The following PALM2AKAP2 variants were observed in gnomAD, a reference collection of about 807,000 sequenced individuals.
The protein encoded by PALM2AKAP2 is PALM2-AKAP2 fusion protein.
PALM2AKAP2 carries 37 observed loss-of-function variants against 71.5 expected under a neutral mutation model. The observed-to-expected ratio is 0.52, with a 90% CI of 0.40 to 0.68. PALM2AKAP2 has a LOEUF of 0.68. PALM2AKAP2 is among the 30% of genes least tolerant of loss of function. The pLI, the probability that PALM2AKAP2 is intolerant of heterozygous loss-of-function variation, is 0.00. For synonymous variants in PALM2AKAP2, 468 were observed against 478.8 expected (o/e 0.98, Z 0.29); for missense variants, 1,224 against 1,191.8 (o/e 1.03, Z -0.40).
At chr9:109,704,209 G>A (rs1014719240) in intron 1 of PALM2AKAP2, among the ~76,000 whole-genome samples, 1 of 152,202 alleles carries the variant, frequency 6.6e-6, no homozygotes, top group Admixed American at 6.5e-5. Flanking sequence ...TTACCAGCTG[G>A]GCAGGTGGGT....
intron 2 of PALM2AKAP2, among the ~76,000 whole-genome samples, chr9:110,141,609 A>G (rs1245757904): frequency 1.3e-5 from 2 of 152,176 alleles, no homozygotes; most frequent in Non-Finnish European, 2.9e-5. Context: ...TAGACAATTC[A>G]TGGCTAGGGT....
At chr9:109,979,072 CT>C (rs1005193458) in intron 6 of PALM2AKAP2, among the ~76,000 whole-genome samples, 26 of 151,910 alleles carry the variant, frequency 1.7e-4, no homozygotes, top group African/African-American at 6.3e-4. Flanking sequence ...TCACTGCAAC[CT>C]CCTCCGCCTC....
At chr9:109,867,888 G>A (rs1829498159) in intron 2 of PALM2AKAP2, among the ~76,000 whole-genome samples, 1 of 152,124 alleles carries the variant, frequency 6.6e-6, no homozygotes, top group Non-Finnish European at 1.5e-5. Flanking sequence ...CAGCATTTCA[G>A]GATTGTTTCT....
chr9:110,073,372 A>G (rs1014927863), intron 1 of PALM2AKAP2, among the ~76,000 whole-genome samples: 3 of 152,218 alleles, frequency 2.0e-5, no homozygotes, highest in African/African-American at 7.2e-5. Flanking sequence ...AGTGAGCCTC[A>G]TGACCTGAGC....
At chr9:110,022,626 G>A (rs570602122) in intron 7 of PALM2AKAP2, among the ~76,000 whole-genome samples, 42 of 151,052 alleles carry the variant, frequency 2.8e-4, no homozygotes, top group Non-Finnish European at 5.8e-4. Flanking sequence ...TGTGCACAAT[G>A]TGCAGGTTTG....
intron 1 of PALM2AKAP2, among the ~76,000 whole-genome samples, chr9:109,851,045 C>T (rs998395278): frequency 1.3e-5 from 2 of 151,958 alleles, no homozygotes; most frequent in Admixed American, 6.6e-5. Flanking sequence ...GGCATGGTGG[C>T]GGGCACCTGT....
At chr9:109,656,866 G>A (rs1827315458) in intron 1 of PALM2AKAP2, among the ~76,000 whole-genome samples, 3 of 152,100 alleles carry the variant, frequency 2.0e-5, no homozygotes, top group African/African-American at 2.4e-5. Flanking sequence ...TTGATGAGGA[G>A]GATTCTTCCT....
At chr9:110,099,615 A>C (rs1564304353) in intron 1 of PALM2AKAP2, among the ~76,000 whole-genome samples, 1 of 152,194 alleles carries the variant, frequency 6.6e-6, no homozygotes, top group Non-Finnish European at 1.5e-5. Flanking sequence ...CTGACATTTA[A>C]TGAATAGGTT....
exon 1 of PALM2AKAP2, chr9:110,048,730 C>A: frequency 6.5e-7 from 1 of 1,546,360 alleles, no homozygotes; most frequent in South Asian, 1.2e-5. Flanking sequence ...GGCTGCCGCT[C>A]GCCTTCCCCC....
At chr9:110,151,976 C>T (rs1387201943) in intron 2 of PALM2AKAP2, among the ~76,000 whole-genome samples, 2 of 152,190 alleles carry the variant, frequency 1.3e-5, no homozygotes, top group African/African-American at 4.8e-5. Context: ...GTGGCTCATG[C>T]CTGTAATCCC....
intron 1 of PALM2AKAP2, among the ~76,000 whole-genome samples, chr9:109,695,875 G>A (rs1827962519): frequency 6.6e-6 from 1 of 152,100 alleles, no homozygotes; most frequent in Non-Finnish European, 1.5e-5. Context: ...GGTTGACAAG[G>A]GTGGGGGTGA....
At chr9:110,168,261 C>T in intron 3 of PALM2AKAP2, 138 bp from the exon 11 acceptor site, 2 of 1,044,174 alleles carry the variant, frequency 1.9e-6, no homozygotes, top group Non-Finnish European at 2.7e-6. Context: ...TCCAGCGTCT[C>T]TCCTATCTCC....
At chr9:109,744,628 A>G (rs1161146060) in intron 1 of PALM2AKAP2, among the ~76,000 whole-genome samples, 3 of 152,196 alleles carry the variant, frequency 2.0e-5, no homozygotes, top group African/African-American at 7.2e-5. Context: ...AGAACAAGCA[A>G]AGAACAATTG....
chr9:109,851,117 C>G (rs1457149985), intron 1 of PALM2AKAP2, among the ~76,000 whole-genome samples: 1 of 151,784 alleles, frequency 6.6e-6, no homozygotes, highest in Admixed American at 6.6e-5. Context: ...GCAGAGCTTG[C>G]AGTGAGCCGA....
intron 1 of PALM2AKAP2, among the ~76,000 whole-genome samples, chr9:109,758,160 A>G (rs932644840): frequency 3.9e-5 from 6 of 152,060 alleles, no homozygotes; most frequent in African/African-American, 1.4e-4. Context: ...TTGATTTATA[A>G]TATATCTTCA....
intron 6 of PALM2AKAP2, among the ~76,000 whole-genome samples, chr9:109,995,195 G>C (rs1180919508): frequency 6.6e-6 from 1 of 152,144 alleles, no homozygotes; most frequent in African/African-American, 2.4e-5. Flanking sequence ...AGCTCTGGCA[G>C]GACACCCAGA....
At chr9:110,100,230 G>T (rs1834964467) in intron 1 of PALM2AKAP2, among the ~76,000 whole-genome samples, 1 of 151,832 alleles carries the variant, frequency 6.6e-6, no homozygotes, top group South Asian at 2.1e-4. Flanking sequence ...GGGTATTATT[G>T]GGCTTAGGAA....
At chr9:110,068,561 C>CT (rs1834136986) in intron 1 of PALM2AKAP2, among the ~76,000 whole-genome samples, 1 of 150,064 alleles carries the variant, frequency 6.7e-6, no homozygotes, top group Non-Finnish European at 1.5e-5. Flanking sequence ...ACAGGGTCTC[C>CT]TTCTGTTGCC....
At chr9:109,893,700 A>G (rs1015671186) in intron 3 of PALM2AKAP2, among the ~76,000 whole-genome samples, 3 of 152,262 alleles carry the variant, frequency 2.0e-5, no homozygotes, top group South Asian at 2.1e-4. Context: ...CATCTACCTC[A>G]GCCTCCCAAA....
Sources: gnomAD v4.1 joint callset for allele counts (sites outside exome capture counted in the v4.1 genomes callset) on GRCh38, gnomAD v4.1.1 for gene constraint, MANE v1.5 for transcripts, NCBI Gene and HGNC (gene_info 2026-07-23, HGNC 2026-07-21) for gene names.